Variants in FILIP1 observed in about 807,000 individuals in gnomAD.
The protein encoded by FILIP1 is filamin-A-interacting protein 1.
FILIP1 carries 61 observed loss-of-function variants against 102.1 expected under a neutral mutation model. The ratio of observed to expected loss-of-function variants is 0.60; its 90% CI spans 0.49 to 0.74. The LOEUF (loss-of-function observed/expected upper bound fraction) is 0.74, where lower values mean the gene tolerates loss of function less well. Ranked by LOEUF, FILIP1 falls within the 30% of genes least tolerant of loss-of-function variation. The probability of loss-of-function intolerance (pLI) is 0.00; values close to 1 mark genes in which losing one functional copy is unlikely to be tolerated. For missense variants in FILIP1, 1,314 were observed against 1,441.2 expected, an observed-to-expected ratio of 0.91 and a Z score of 1.43; for synonymous variants, 491 against 526.9, an observed-to-expected ratio of 0.93 and a Z score of 0.93.
chr6:75,293,826 G>A (rs924928767), exon 7 of FILIP1: 3 of 152,064 alleles, frequency 2.0e-5, no homozygotes, highest in Admixed American at 2.0e-4. Context: ...TGGCAAATAG[G>A]ATACTTAACT....
intron 4 of FILIP1, among the ~76,000 whole-genome samples, chr6:75,318,127 G>A (rs1168333779): frequency 6.6e-6 from 1 of 151,236 alleles, no homozygotes; most frequent in Non-Finnish European, 1.5e-5. Flanking sequence ...AATGTTCCTG[G>A]ATAGCTTTTC....
At chr6:75,293,345 T>C (rs746337402) in exon 7 of FILIP1, 2 of 152,232 alleles carry the variant, frequency 1.3e-5, no homozygotes, top group African/African-American at 2.4e-5. Context: ...CAATTGCATA[T>C]GCATGTTGAG....
intron 2 of FILIP1, among the ~76,000 whole-genome samples, chr6:75,405,199 TCA>T (rs2149676233): frequency 6.6e-6 from 1 of 152,334 alleles, no homozygotes; most frequent in South Asian, 2.1e-4. Context: ...GGCATTCAAG[TCA>T]CACTGTTTTG....
At chr6:75,333,367 C>T (rs1774140351) in intron 4 of FILIP1, among the ~76,000 whole-genome samples, 1 of 152,006 alleles carries the variant, frequency 6.6e-6, no homozygotes, top group South Asian at 2.1e-4. Context: ...AACTCCAAAA[C>T]CTCAGACTTA....
intron 2 of FILIP1, among the ~76,000 whole-genome samples, chr6:75,365,671 G>A (rs1389433540): frequency 1.3e-5 from 2 of 151,962 alleles, no homozygotes; most frequent in African/African-American, 4.8e-5. Context: ...ACAGGCGTGA[G>A]CCACTGCACC....
At chr6:75,384,939 T>C (rs1054962865) in intron 2 of FILIP1, 1 of 150,072 alleles carries the variant, frequency 6.7e-6, no homozygotes, top group African/African-American at 2.5e-5. Context: ...GGACTACAAG[T>C]GAGCACAACC....
chr6:75,427,208 A>C (rs907339996), intron 1 of FILIP1, among the ~76,000 whole-genome samples: 2 of 152,178 alleles, frequency 1.3e-5, no homozygotes, highest in Admixed American at 1.3e-4. Context: ...AAATATATAG[A>C]TTAAGTTCTC....
At chr6:75,418,095 G>C (rs1361281866) in intron 1 of FILIP1, among the ~76,000 whole-genome samples, 1 of 152,180 alleles carries the variant, frequency 6.6e-6, no homozygotes, top group Non-Finnish European at 1.5e-5. Flanking sequence ...CTACTAGGAA[G>C]ACTGATGCAG....
chr6:75,488,329 A>G (rs932594828), intron 1 of FILIP1, among the ~76,000 whole-genome samples: 1 of 152,004 alleles, frequency 6.6e-6, no homozygotes, highest in Non-Finnish European at 1.5e-5. Flanking sequence ...TTCTTCCACA[A>G]CGGGCTGCCT....
At chr6:75,325,980 G>A (rs1317552757) in intron 4 of FILIP1, among the ~76,000 whole-genome samples, 6 of 152,020 alleles carry the variant, frequency 3.9e-5, no homozygotes, top group African/African-American at 1.2e-4. Flanking sequence ...AGTGTAACTC[G>A]CAACTGCAAA....
chr6:75,435,965 A>T (rs1048209593), intron 1 of FILIP1, among the ~76,000 whole-genome samples: 1 of 152,134 alleles, frequency 6.6e-6, no homozygotes, highest in African/African-American at 2.4e-5. Context: ...TGGAACACTG[A>T]ATTGAAACAA....
chr6:75,404,268 C>G (rs113801219), intron 2 of FILIP1, among the ~76,000 whole-genome samples: 1 of 152,098 alleles, frequency 6.6e-6, no homozygotes, highest in African/African-American at 2.4e-5. Flanking sequence ...ACAACACTGC[C>G]GTACCAGAAA....
chr6:75,296,166 C>A (rs954022163), intron 6 of FILIP1, among the ~76,000 whole-genome samples: 1 of 152,096 alleles, frequency 6.6e-6, no homozygotes, highest in Non-Finnish European at 1.5e-5. Context: ...TTAGAAACTA[C>A]GTCTAACGTT....
chr6:75,482,073 C>G (rs1415765468), intron 1 of FILIP1, among the ~76,000 whole-genome samples: 1 of 152,096 alleles, frequency 6.6e-6, no homozygotes, highest in African/African-American at 2.4e-5. Context: ...CCCCCTTGTC[C>G]TCTTCTCTGA....
At chr6:75,319,253 C>T in intron 4 of FILIP1, 1 of 707,772 alleles carries the variant, frequency 1.4e-6, no homozygotes, top group Non-Finnish European at 2.6e-6. Flanking sequence ...TTGTCATCTG[C>T]AACAGTATTA....
chr6:75,312,791 G>T lies in FILIP1; in HGVS notation c.3041C>A (p.Thr1014Lys), dbSNP rs1346046945. The change falls in exon 5 of 6, where the codon ACA becomes AAA. Residue 1014 changes from threonine to lysine, a missense_variant. Transcript: ENST00000237172. ...TGCAATCTCAGCTGGTGCTGCTGAT[G>T]TAGACACCGTCATTATCTGAATAGG... ...TSPIQIMTVSTSAAPAEIAVS... is the reference protein window; with the variant it reads ...TSPIQIMTVSKSAAPAEIAVS... 56 of 1,614,074 alleles carry T rather than the reference G, an allele frequency of 3.5e-5. No homozygotes were observed. Among genetic ancestry groups the T allele is most frequent in the Non-Finnish European group, 3.8e-5 (45 of 1,180,040 alleles).
At chr6:75,372,708 AGAAAGGAAAGAAAGAGAAAG>A (rs1562515171) in intron 2 of FILIP1, among the ~76,000 whole-genome samples, 8 of 47,352 alleles carry the variant, frequency 1.7e-4, no homozygotes, top group African/African-American at 1.1e-3. Flanking sequence ...AAAGAAAGAA[AGAAAGGAAAGAAAGAGAAAG>A]AGAAAGAAAG....
intron 1 of FILIP1, among the ~76,000 whole-genome samples, chr6:75,445,639 G>A (rs1394221026): frequency 6.6e-6 from 1 of 151,036 alleles, no homozygotes; most frequent in East Asian, 1.9e-4. Flanking sequence ...TTTACTCCCA[G>A]CACCTACTAC....
At chr6:75,414,570 G>T in intron 2 of FILIP1, 127 bp downstream of exon 2, 1 of 904,028 alleles carries the variant, frequency 1.1e-6, no homozygotes, top group Non-Finnish European at 1.7e-6. Context: ...TAGGGATTTA[G>T]AAATAAGGGA....
Sources: gnomAD v4.1 joint callset for allele counts (sites outside exome capture counted in the v4.1 genomes callset) on GRCh38, gnomAD v4.1.1 for gene constraint, MANE v1.5 for transcripts, NCBI Gene and HGNC (gene_info 2026-07-23, HGNC 2026-07-21) for gene names.